MTHFD1L: variants seen among roughly 807,000 people sequenced by gnomAD.
The protein encoded by MTHFD1L is monofunctional C1-tetrahydrofolate synthase, mitochondrial.
Under a neutral mutation model 119.5 loss-of-function variants are expected in MTHFD1L, and 81 were observed. The ratio of observed to expected loss-of-function variants is 0.68; its 90% CI spans 0.57 to 0.82. The LOEUF (loss-of-function observed/expected upper bound fraction) is 0.82. Among genes scored for constraint, MTHFD1L ranks in the 40% least tolerant of loss-of-function variants. The probability of loss-of-function intolerance (pLI) is 0.00; values close to 1 mark genes in which losing one functional copy is unlikely to be tolerated. For missense variants in MTHFD1L, 1,125 were observed against 1,253.4 expected (o/e 0.90, Z 1.55); for synonymous variants, 430 against 475.2 (o/e 0.90, Z 1.24).
In MTHFD1L at chr6:150,956,030, A is replaced by G; in HGVS notation, c.1762A>G (p.Thr588Ala). 6.2e-7 allele frequency: 1 copy of G among 1,614,136 alleles called. No individual in the cohort carries two copies. Among genetic ancestry groups the G allele is most frequent in the South Asian group, 1.1e-5 (1 of 91,084 alleles). Residue 588 changes from threonine (T) to alanine (A), a missense_variant, in exon 17 of 28, where the codon ACC becomes GCC. Thr to Ala is a moderately conservative substitution (Grantham distance 58). Around this residue, in one of 3 missense-constraint regions of MTHFD1L, gnomAD observed 1,058 missense variants for 1,151.2 expected, o/e 0.92. Coordinates refer to ENST00000367321, the MANE Select transcript of MTHFD1L (RefSeq NM_015440.5). ...AAATGACCGATTTCTACGAAAAATA[A>G]CCATCGGGCAGGGAAACACAGAGAA... is the stretch of plus-strand genomic sequence containing the variant. ...DTNDRFLRKI[T>A]IGQGNTEKGH...
chr6:150,967,466 G>A (rs542258570), intron 19 of MTHFD1L, among the ~76,000 whole-genome samples: 1 of 152,158 alleles, frequency 6.6e-6, no homozygotes, highest in Non-Finnish European at 1.5e-5. Flanking sequence ...ACTCTTGTTT[G>A]GAATATCATG....
At chr6:150,888,687 G>A (rs976177077) in intron 7 of MTHFD1L, among the ~76,000 whole-genome samples, 2 of 152,148 alleles carry the variant, frequency 1.3e-5, no homozygotes, top group African/African-American at 2.4e-5. Context: ...GAAGCATAAA[G>A]GACAAAGAGA....
intron 26 of MTHFD1L, among the ~76,000 whole-genome samples, chr6:151,062,723 A>G (rs934049318): frequency 1.3e-5 from 2 of 152,214 alleles, no homozygotes; most frequent in African/African-American, 4.8e-5. Context: ...TAAAAGATAA[A>G]GTGAAACCTG....
chr6:151,055,828 T>C (rs1415573187), intron 26 of MTHFD1L: 1 of 152,196 alleles, frequency 6.6e-6, no homozygotes, highest in Non-Finnish European at 1.5e-5. Context: ...ACCTGGCCTT[T>C]GTGCTGATTC....
At chr6:150,899,995 T>A (rs803418) in intron 7 of MTHFD1L, among the ~76,000 whole-genome samples, 64,622 of 147,366 alleles carry the variant, frequency 0.44, 14,693 homozygotes, top group East Asian at 0.8. Flanking sequence ...ATATATATAT[T>A]TTTTATATTA....
At chr6:151,024,700 G>A (rs1415624775) in intron 24 of MTHFD1L, among the ~76,000 whole-genome samples, 5 of 152,154 alleles carry the variant, frequency 3.3e-5, no homozygotes, top group African/African-American at 4.8e-5. Context: ...ATCGTGGTGC[G>A]TGCCTGTAAT....
chr6:151,085,499 G>A (rs1279385527), intron 26 of MTHFD1L, among the ~76,000 whole-genome samples: 5 of 152,174 alleles, frequency 3.3e-5, no homozygotes, highest in African/African-American at 9.6e-5. Context: ...GGCCGGGCGC[G>A]TTGTCTCACG....
intron 26 of MTHFD1L, among the ~76,000 whole-genome samples, chr6:151,076,841 A>G (rs1312881959): frequency 2.0e-5 from 3 of 152,144 alleles, no homozygotes; most frequent in African/African-American, 7.2e-5. Flanking sequence ...TATTTACCCA[A>G]GAGAAATGCA....
intron 20 of MTHFD1L, among the ~76,000 whole-genome samples, chr6:150,994,906 A>G (rs564368884): frequency 2.1e-4 from 32 of 152,284 alleles, no homozygotes; most frequent in African/African-American, 7.7e-4. Context: ...CTCTTCAGGA[A>G]CCTTTCTCCG....
rs183827069 is a variant in MTHFD1L, at chr6:150,976,216, G to A, written c.2125+4158G>A. On this transcript the variant is annotated intron_variant, in intron 20 of 27. Transcript: ENST00000367321. The stretch of plus-strand genomic sequence containing the variant: ...ACTCTGTCTCAAAAAATAAAAATAA[G>A]GGGGAAGCAGCTTCGCATGCTCTTC... 2.0e-3 allele frequency among the ~76,000 whole-genome samples: 311 copies of A among 152,194 alleles called. 1 individual carries two copies. The highest frequency in any genetic ancestry group is 7.4e-3 in the African/African-American group (309 of 41,530).
intron 13 of MTHFD1L, among the ~76,000 whole-genome samples, chr6:150,940,096 C>T (rs1299641032): frequency 6.6e-6 from 1 of 152,118 alleles, no homozygotes; most frequent in Non-Finnish European, 1.5e-5. Context: ...TGTCAAGGTT[C>T]TTCTCTACCC....
chr6:150,988,711 AT>A (rs1356271818), intron 20 of MTHFD1L, among the ~76,000 whole-genome samples: 1 of 152,162 alleles, frequency 6.6e-6, no homozygotes, highest in Admixed American at 6.5e-5. Flanking sequence ...GGTTTAAGTG[AT>A]TCTTCTGCCT....
At chr6:151,074,614 C>T (rs1038360637) in intron 26 of MTHFD1L, among the ~76,000 whole-genome samples, 1 of 152,152 alleles carries the variant, frequency 6.6e-6, no homozygotes, top group African/African-American at 2.4e-5. Flanking sequence ...TGTATAATAA[C>T]GTTTTGGTCA....
rs769499445 is a variant in MTHFD1L at position 150,944,630 on chromosome 6, T to C, written c.1548+37T>C. ...GCCTTGCTAGCCATTTTGGGTATTGTATCCTGGAATTCCTGGATTCTTAAG... is the reference window on the plus strand; with the variant it reads ...GCCTTGCTAGCCATTTTGGGTATTGCATCCTGGAATTCCTGGATTCTTAAG... On this transcript the variant is annotated intron_variant, in intron 14 of 27. Coordinates refer to ENST00000367321, the MANE Select transcript of MTHFD1L (RefSeq NM_015440.5). 2.7e-6 allele frequency: 4 copies of C among 1,458,160 alleles called. No individual in the cohort carries two copies. The Admixed American group carries it at 5.2e-5, about 19-fold the overall frequency. The allele number at this position is 1,458,160 out of a possible 1,614,324, so 90.3% of individuals were successfully genotyped here. A position where few individuals can be genotyped will look rare whatever the true frequency, so the allele number is the denominator to read the frequency against.
chr6:150,990,153 C>T (rs1309360926), intron 20 of MTHFD1L, among the ~76,000 whole-genome samples: 1 of 151,968 alleles, frequency 6.6e-6, no homozygotes, highest in African/African-American at 2.4e-5. Flanking sequence ...GTGGTGCGTG[C>T]CTGTAGTCCC....
At chr6:151,054,114 A>G (rs1037393794) in intron 26 of MTHFD1L, among the ~76,000 whole-genome samples, 14 of 152,200 alleles carry the variant, frequency 9.2e-5, no homozygotes, top group African/African-American at 3.4e-4. Flanking sequence ...CCTAACAGCC[A>G]GGTTCCAAGG....
intron 10 of MTHFD1L, among the ~76,000 whole-genome samples, chr6:150,925,538 C>T (rs757359223): frequency 1.2e-4 from 18 of 152,034 alleles, no homozygotes; most frequent in Admixed American, 6.6e-4. Context: ...GTCCTTTTAC[C>T]GACAGTTATG....
At chr6:150,941,486 A>G (rs1793098581) in intron 13 of MTHFD1L, among the ~76,000 whole-genome samples, 1 of 152,264 alleles carries the variant, frequency 6.6e-6, no homozygotes, top group Non-Finnish European at 1.5e-5. Flanking sequence ...GGGGCCTCTC[A>G]GTAGACACGA....
intron 26 of MTHFD1L, among the ~76,000 whole-genome samples, chr6:151,044,985 A>T (rs897895985): frequency 6.6e-6 from 1 of 151,852 alleles, no homozygotes; most frequent in Non-Finnish European, 1.5e-5. Flanking sequence ...CCCTCCCTCT[A>T]CTGTAAAAGT....
Sources: allele counts gnomAD v4.1 joint callset (sites outside exome capture counted in the v4.1 genomes callset), GRCh38; gene constraint gnomAD v4.1.1; regional missense constraint gnomAD v4.1.1; transcripts MANE v1.5; gene names NCBI Gene and HGNC (gene_info 2026-07-23, HGNC 2026-07-21).